Variants in RARRES1 observed in about 807,000 individuals in gnomAD.
RARRES1 encodes the protein retinoic acid receptor responder protein 1.
A neutral mutation model predicts 30.6 loss-of-function variants in RARRES1; 34 were observed. The observed-to-expected ratio is 1.11, with a 90% CI of 0.84 to 1.48. The LOEUF (loss-of-function observed/expected upper bound fraction) is 1.48. Among genes scored for constraint, RARRES1 ranks in the 40% most tolerant of loss-of-function variants. RARRES1 has a pLI of 0.00. For missense variants in RARRES1, 373 were observed against 386.5 expected (o/e 0.97, Z 0.29); for synonymous variants, 153 against 155.5 (o/e 0.98, Z 0.12).
At chr3:158,704,064 T>C (rs1429219339) in intron 4 of RARRES1, among the ~76,000 whole-genome samples, 1 of 152,062 alleles carries the variant, frequency 6.6e-6, no homozygotes, top group African/African-American at 2.4e-5. Context: ...ATCCTAAAAA[T>C]CATCCTTAAC....
Position 158,723,100 on chromosome 3 carries a change from C to T in RARRES1, c.276+9040G>A, listed in dbSNP as rs867603687. On this transcript the variant is annotated intron_variant, in intron 1 of 5. Coordinates refer to ENST00000237696, the MANE Select transcript of RARRES1 (RefSeq NM_206963.2). The surrounding 1 kb of genome is among the most constrained non-coding windows in gnomAD (Gnocchi z 4.4). ...GCAGTGTCTGTCATTGGTTGCTAAG[C>T]GCTGGTCCTTCCTGTTGTGTTAGTG... Among the ~76,000 whole-genome samples, 1 of 152,104 alleles carries T rather than the reference C, an allele frequency of 6.6e-6. No individual in the cohort carries two copies. Among genetic ancestry groups the T allele is most frequent in the African/African-American group, 2.4e-5 (1 of 41,408 alleles).
At chr3:158,714,624 T>C (rs1727260219) in intron 1 of RARRES1, among the ~76,000 whole-genome samples, 1 of 152,266 alleles carries the variant, frequency 6.6e-6, no homozygotes, top group Non-Finnish European at 1.5e-5. Context: ...TTTAAAACTG[T>C]TGAATTGATT....
At chr3:158,725,678 AC>A (rs1253011720) in intron 1 of RARRES1, among the ~76,000 whole-genome samples, 1 of 152,258 alleles carries the variant, frequency 6.6e-6, no homozygotes, top group Admixed American at 6.5e-5. Context: ...GGTAAAAAAA[AC>A]ATTCCTACTG....
intron 3 of RARRES1, among the ~76,000 whole-genome samples, 161 bp downstream of exon 3, chr3:158,710,577 A>G (rs1727087969): frequency 6.6e-6 from 1 of 152,162 alleles, no homozygotes; most frequent in Non-Finnish European, 1.5e-5. Context: ...GAAGAACAGA[A>G]AGATGATACC....
chr3:158,705,660 T>G (rs144206856), intron 3 of RARRES1: 10 of 152,344 alleles, frequency 6.6e-5, no homozygotes, highest in African/African-American at 2.4e-4. Flanking sequence ...TCACCTTACC[T>G]TCTGGTTTAG....
At chr3:158,720,448 C>T (rs1397594298) in intron 1 of RARRES1, among the ~76,000 whole-genome samples, 1 of 152,102 alleles carries the variant, frequency 6.6e-6, no homozygotes, top group Non-Finnish European at 1.5e-5. Flanking sequence ...AGGTGGCTTA[C>T]AACAACAGAT....
chr3:158,722,772 C>T (rs1448911126), intron 1 of RARRES1, among the ~76,000 whole-genome samples: 6 of 151,092 alleles, frequency 4.0e-5, no homozygotes, highest in Non-Finnish European at 5.9e-5. Flanking sequence ...GTCCCAGCTA[C>T]TTGGGAGGCT....
At position 158,697,897 on chromosome 3, in the gene RARRES1, TTA is replaced by T. The variant is rs1726597866; in HGVS notation, c.735+9_735+10del. On this transcript the variant is annotated intron_variant, in intron 5 of 5. Transcript: ENST00000237696. The stretch of plus-strand genomic sequence containing the variant: ...GGTAAAAACAATTCTACATACAATG[TTA>T]TGTTTTACCTGTGTTGATAATTCAT... 1 of 1,558,332 alleles carries T rather than the reference TTA, an allele frequency of 6.4e-7. No homozygotes were observed. The highest frequency in any genetic ancestry group is 1.7e-5 in the Admixed American group (1 of 59,516).
At chr3:158,705,759 A>G (rs964546927) in intron 3 of RARRES1, 2 of 152,238 alleles carry the variant, frequency 1.3e-5, no homozygotes, top group Non-Finnish European at 2.9e-5. Flanking sequence ...AAGCTAATCA[A>G]TGTGTTGGCA....
chr3:158,721,122 C>T (rs1244860323), intron 1 of RARRES1, among the ~76,000 whole-genome samples: 3 of 152,014 alleles, frequency 2.0e-5, no homozygotes, highest in African/African-American at 7.3e-5. Flanking sequence ...TTAGACAAGC[C>T]GAGAGAGGGA....
At chr3:158,718,660 A>G (rs1482081565) in intron 1 of RARRES1, among the ~76,000 whole-genome samples, 1 of 152,130 alleles carries the variant, frequency 6.6e-6, no homozygotes, top group Non-Finnish European at 1.5e-5. Context: ...CATCCCAGAG[A>G]AATAGTGATG....
chr3:158,713,865 A>G lies in RARRES1; in HGVS notation c.277-6T>C, dbSNP rs1392480865. On this transcript the variant is annotated splice_polypyrimidine_tract_variant and splice_region_variant and intron_variant, in intron 1 of 5. Coordinates refer to ENST00000237696, the MANE Select transcript of RARRES1 (RefSeq NM_206963.2). ...CATCCCTCTTTTGGATTAATCTGGA[A>G]CACAGAAACTGAATCTTAGTATAGT... 24 of 1,612,136 alleles carry G rather than the reference A, an allele frequency of 1.5e-5. No individual in the cohort carries two copies. Among genetic ancestry groups the G allele is most frequent in the Non-Finnish European group, 2.0e-5 (24 of 1,178,264 alleles).
intron 3 of RARRES1, among the ~76,000 whole-genome samples, chr3:158,707,737 A>G (rs1331325613): frequency 6.6e-6 from 1 of 152,228 alleles, no homozygotes; most frequent in African/African-American, 2.4e-5. Context: ...AGCATTGAAG[A>G]CTCAGCACTT....
At chr3:158,727,952 G>A (rs1296738172) in intron 1 of RARRES1, among the ~76,000 whole-genome samples, 8 of 152,144 alleles carry the variant, frequency 5.3e-5, no homozygotes, top group Admixed American at 2.6e-4. Flanking sequence ...CCACCAGAGG[G>A]CAACAGTATT....
At chr3:158,716,641 T>C (rs1727331325) in intron 1 of RARRES1, among the ~76,000 whole-genome samples, 1 of 151,728 alleles carries the variant, frequency 6.6e-6, no homozygotes, top group African/African-American at 2.4e-5. Flanking sequence ...TGGAGTGCAG[T>C]GGCACGATCT....
At position 158,710,913 on chromosome 3, in the gene RARRES1, C is replaced by T. The variant is rs1229341196; in HGVS notation, c.360G>A (p.Glu120=). 1 of 1,613,934 alleles carries T rather than the reference C, an allele frequency of 6.2e-7. No homozygotes were observed. The highest frequency in any genetic ancestry group is 1.1e-5 in the South Asian group (1 of 91,070). Residue 120 remains glutamate (E), a synonymous_variant, in exon 3 of 6, where the codon GAG becomes GAA. Transcript: ENST00000237696. The stretch of plus-strand genomic sequence containing the variant: ...GAGCAGAACATTTCCCCAAACGTCC[C>T]TCACCTTCCTGAAGTAAAGACTGTG... ...YNPESLLQEG[E]GRLGKCSARV...
At chr3:158,704,744 T>C in intron 4 of RARRES1, 47 bp downstream of exon 4, 1 of 1,596,390 alleles carries the variant, frequency 6.3e-7, no homozygotes, top group Non-Finnish European at 8.5e-7. Context: ...GGAGACCACT[T>C]TGATTGTAAC....
chr3:158,714,767 G>A (rs73156501), intron 1 of RARRES1, among the ~76,000 whole-genome samples: 14,806 of 152,182 alleles, frequency 0.097, 924 homozygotes, highest in Middle Eastern at 0.18. Context: ...TTCCTAGAGA[G>A]GAAAGGGAAC....
intron 3 of RARRES1, among the ~76,000 whole-genome samples, chr3:158,707,279 A>T (rs1190280628): frequency 6.6e-6 from 1 of 152,166 alleles, no homozygotes; most frequent in Non-Finnish European, 1.5e-5. Context: ...GTAGAAGCCA[A>T]ATAGGAAGAG....
Sources: gnomAD v4.1 joint callset for allele counts (sites outside exome capture counted in the v4.1 genomes callset) on GRCh38, gnomAD v4.1.1 for gene constraint, Gnocchi (gnomAD v3.1) non-coding constraint, MANE v1.5 for transcripts, NCBI Gene and HGNC (gene_info 2026-07-23, HGNC 2026-07-21) for gene names.